Variants in KPNA3 observed in about 807,000 individuals in gnomAD.
The protein encoded by KPNA3 is karyopherin subunit alpha 3.
A neutral mutation model predicts 73.8 loss-of-function variants in KPNA3; 13 were observed. The observed-to-expected ratio is 0.18, with a 90% CI of 0.11 to 0.28. The LOEUF (loss-of-function observed/expected upper bound fraction) is 0.28, where lower values mean the gene tolerates loss of function less well. Ranked by LOEUF, KPNA3 falls within the 10% of genes least tolerant of loss-of-function variation. The probability of loss-of-function intolerance (pLI) is 1.00; values close to 1 mark genes in which losing one functional copy is unlikely to be tolerated. For missense variants in KPNA3, 360 were observed against 618.1 expected (o/e 0.58, Z 4.43); for synonymous variants, 186 against 206.9 (o/e 0.90, Z 0.87).
At chr13:49,742,719 T>C (rs1566347445) in intron 2 of KPNA3, among the ~76,000 whole-genome samples, 2 of 152,258 alleles carry the variant, frequency 1.3e-5, no homozygotes, top group East Asian at 3.9e-4. Flanking sequence ...TTAATAATAC[T>C]AATTCTTCCA....
At chr13:49,756,617 T>C (rs1376448821) in intron 1 of KPNA3, among the ~76,000 whole-genome samples, 1 of 152,192 alleles carries the variant, frequency 6.6e-6, no homozygotes, top group East Asian at 1.9e-4. Context: ...TAGACTCAAC[T>C]TGGTAAAGAT....
intron 1 of KPNA3, among the ~76,000 whole-genome samples, chr13:49,753,026 C>CAAAAAAAAAAAA (rs71078888): frequency 3.6e-5 from 3 of 82,212 alleles, no homozygotes; most frequent in Admixed American, 2.8e-4. Flanking sequence ...GACTCTGTCT[C>CAAAAAAAAAAAA]AAAAAAAAAA....
intron 12 of KPNA3, 38 bp from the exon 13 acceptor site, chr13:49,706,410 AAAT>A: frequency 7.5e-7 from 1 of 1,337,222 alleles, no homozygotes; most frequent in Non-Finnish European, 1.1e-6. Flanking sequence ...TTTATTTGAA[AAAT>A]AATACCTTTA....
intron 1 of KPNA3, among the ~76,000 whole-genome samples, chr13:49,769,825 G>C (rs780851853): frequency 5.3e-5 from 8 of 152,068 alleles, no homozygotes; most frequent in Non-Finnish European, 8.8e-5. Context: ...TTAACATCTC[G>C]AACTGCTATT....
At chr13:49,713,676 A>AC (rs1372214455) in intron 10 of KPNA3, among the ~76,000 whole-genome samples, 3 of 129,864 alleles carry the variant, frequency 2.3e-5, no homozygotes, top group African/African-American at 8.6e-5. Flanking sequence ...CACACACACA[A>AC]AACAGAAAAA....
intron 15 of KPNA3, 78 bp downstream of exon 15, chr13:49,705,542 TC>T (rs1448624443): frequency 7.3e-7 from 1 of 1,374,994 alleles, no homozygotes; most frequent in Admixed American, 2.0e-5. Context: ...TAATTTTCTG[TC>T]TAGTAAGTTG....
intron 10 of KPNA3, among the ~76,000 whole-genome samples, chr13:49,712,749 T>A: frequency 6.7e-6 from 1 of 149,714 alleles, no homozygotes. Flanking sequence ...AAAAAATATA[T>A]CATTTAAAAC....
intron 1 of KPNA3, among the ~76,000 whole-genome samples, chr13:49,790,041 G>A: frequency 6.6e-6 from 1 of 152,160 alleles, no homozygotes; most frequent in African/African-American, 2.4e-5. Context: ...ACTCCCTGAA[G>A]TACAGACTGC....
rs374167946 is a variant in KPNA3 at position 49,762,920 on chromosome 13, T to TAAA, written c.70-15930_70-15928dup. Among the ~76,000 whole-genome samples the TAAA allele has an allele frequency of 1.6e-3, 203 of 125,420 alleles. 3 individuals are homozygous for TAAA. Among genetic ancestry groups the TAAA allele is most frequent in the African/African-American group, 4.6e-3 (164 of 35,508 alleles). 82.3% of individuals were successfully genotyped at this position (125,420 alleles called of 152,430 possible). ...AATAAAGTTTACACCAAGGCTGGCT[T>TAAA]AAAAAACAAAAAAAGAAGAGGAGAG... On this transcript the variant is annotated intron_variant, in intron 1 of 16. Transcript: ENST00000261667.
chr13:49,713,632 GAAACACAC>G (rs1954279982), intron 10 of KPNA3, among the ~76,000 whole-genome samples: 2 of 74,288 alleles, frequency 2.7e-5, no homozygotes. Flanking sequence ...GCTCTTAGGT[GAAACACAC>G]ACACACACAC....
intron 10 of KPNA3, among the ~76,000 whole-genome samples, chr13:49,715,314 A>G (rs1348513495): frequency 6.6e-6 from 1 of 152,164 alleles, no homozygotes; most frequent in Non-Finnish European, 1.5e-5. Flanking sequence ...AACCTAAGAA[A>G]AAGACCAAAA....
chr13:49,764,867 A>T (rs1268365828), intron 1 of KPNA3, among the ~76,000 whole-genome samples: 1 of 152,122 alleles, frequency 6.6e-6, no homozygotes, highest in Non-Finnish European at 1.5e-5. Context: ...CTACTTATTT[A>T]GTCCACTCCA....
At chr13:49,747,938 A>G (rs1350182800) in intron 1 of KPNA3, among the ~76,000 whole-genome samples, 1 of 152,128 alleles carries the variant, frequency 6.6e-6, no homozygotes, top group Non-Finnish European at 1.5e-5. Context: ...ACTCTCTCCT[A>G]GCTTAAGTAG....
At position 49,746,930 on chromosome 13, in the gene KPNA3, A is replaced by T; in HGVS notation, c.114+19T>A. 1 of 1,577,066 alleles carries T rather than the reference A, an allele frequency of 6.3e-7. No homozygotes were observed. Among genetic ancestry groups the T allele is most frequent in the Non-Finnish European group, 8.7e-7 (1 of 1,147,506 alleles). The stretch of plus-strand genomic sequence containing the variant: ...CAGAAAAATCTAATTACTTTTCTTT[A>T]AATGTAAATCAACCTTACCTTCCGC... On this transcript the variant is annotated intron_variant, in intron 2 of 16. Coordinates refer to ENST00000261667, the MANE Select transcript of KPNA3 (RefSeq NM_002267.4).
intron 1 of KPNA3, among the ~76,000 whole-genome samples, chr13:49,769,906 ATTAT>A (rs1428920546): frequency 1.3e-5 from 2 of 152,118 alleles, no homozygotes; most frequent in Admixed American, 6.5e-5. Flanking sequence ...TCCCAATGCT[ATTAT>A]TTGTTTGATT....
chr13:49,701,873 G>C lies in KPNA3; in HGVS notation c.1493C>G (p.Pro498Arg), dbSNP rs1345968213. The C allele has an allele frequency of 6.2e-7, 1 of 1,612,064 alleles. No homozygotes were observed. The highest frequency in any genetic ancestry group is 8.5e-7 in the Non-Finnish European group (1 of 1,178,188). Residue 498 changes from proline to arginine, a missense_variant, in exon 17 of 17, where the codon CCT becomes CGT. Transcript: ENST00000261667. ...GTAGGTACCTCCTTGTGTTGCTTCA[G>C]GAATGAGGCAGGGATCTTCATCAAT... ...DDIDEDPCLI[P>R]EATQGGTYNF...
At chr13:49,759,198 A>C (rs1954737601) in intron 1 of KPNA3, among the ~76,000 whole-genome samples, 1 of 152,234 alleles carries the variant, frequency 6.6e-6, no homozygotes, top group South Asian at 2.1e-4. Flanking sequence ...GAAGGATGAT[A>C]ATGAACTACC....
Position 49,781,447 on chromosome 13 carries a change from T to C in KPNA3, c.69+10991A>G, listed in dbSNP as rs527609889. Among the ~76,000 whole-genome samples the C allele has an allele frequency of 5.9e-5, 9 of 152,040 alleles. 1 individual carries two copies. Among genetic ancestry groups the C allele is most frequent in the African/African-American group, 2.2e-4 (9 of 41,410 alleles). ...GAACTCATTTTCTTCCTCTGTATAA[T>C]GTAAACTTTGTGAGGATTATTTAAG... On this transcript the variant is annotated intron_variant, in intron 1 of 16. Transcript: ENST00000261667.
chr13:49,790,328 G>A (rs3782931), intron 1 of KPNA3, among the ~76,000 whole-genome samples: 45,571 of 152,082 alleles, frequency 0.3, 7,240 homozygotes, highest in Middle Eastern at 0.38. Flanking sequence ...TTAGCCAGGT[G>A]TGGTGGTGTC....
Sources: gnomAD v4.1 joint callset for allele counts (sites outside exome capture counted in the v4.1 genomes callset) on GRCh38, gnomAD v4.1.1 for gene constraint, MANE v1.5 for transcripts, NCBI Gene and HGNC (gene_info 2026-07-23, HGNC 2026-07-21) for gene names.